MSRA: variants seen among roughly 807,000 people sequenced by gnomAD.
MSRA encodes the protein mitochondrial peptide methionine sulfoxide reductase.
MSRA carries 54 observed loss-of-function variants against 31.3 expected under a neutral mutation model. The ratio of observed to expected loss-of-function variants is 1.73; its 90% CI spans 1.39 to 2.17. MSRA has a LOEUF of 2.17. Ranked by LOEUF, MSRA falls within the 30% of genes most tolerant of loss-of-function variation. The probability of loss-of-function intolerance (pLI) is 0.00; values close to 1 mark genes in which losing one functional copy is unlikely to be tolerated. For missense variants in MSRA, 507 were observed against 300.9 expected (o/e 1.69, Z -5.07); for synonymous variants, 169 against 116.5 (o/e 1.45, Z -2.90).
At chr8:10,267,009 A>G (rs1798781983) in intron 3 of MSRA, among the ~76,000 whole-genome samples, 1 of 152,228 alleles carries the variant, frequency 6.6e-6, no homozygotes, top group Non-Finnish European at 1.5e-5. Context: ...TCCTGATTAT[A>G]TTCTTGATTA....
intron 1 of MSRA, among the ~76,000 whole-genome samples, chr8:10,201,584 T>C (rs1283679852): frequency 6.6e-6 from 1 of 152,216 alleles, no homozygotes; most frequent in African/African-American, 2.4e-5. Context: ...GATTTTGCAT[T>C]ATTGTAGATG....
At chr8:10,344,424 A>G (rs1352242217) in intron 5 of MSRA, among the ~76,000 whole-genome samples, 1 of 151,750 alleles carries the variant, frequency 6.6e-6, no homozygotes, top group Non-Finnish European at 1.5e-5. Flanking sequence ...AAATACAAAA[A>G]TTAGACAGGC....
intron 1 of MSRA, among the ~76,000 whole-genome samples, chr8:10,113,888 C>A (rs964318039): frequency 1.3e-5 from 2 of 152,044 alleles, no homozygotes; most frequent in Non-Finnish European, 2.9e-5. Flanking sequence ...AATTGTGTGG[C>A]CATCACCACT....
At chr8:10,215,001 G>A (rs1424676543) in intron 2 of MSRA, among the ~76,000 whole-genome samples, 1 of 152,204 alleles carries the variant, frequency 6.6e-6, no homozygotes, top group African/African-American at 2.4e-5. Context: ...GGCTGGTCCA[G>A]AAAAGAACAA....
At chr8:10,326,017 T>G (rs1289993470) in intron 5 of MSRA, among the ~76,000 whole-genome samples, 2 of 152,248 alleles carry the variant, frequency 1.3e-5, no homozygotes, top group African/African-American at 4.8e-5. Flanking sequence ...ATTCTGTTCA[T>G]TTTACATACA....
At chr8:10,383,909 A>G (rs972499047) in intron 5 of MSRA, among the ~76,000 whole-genome samples, 4 of 152,174 alleles carry the variant, frequency 2.6e-5, no homozygotes, top group East Asian at 3.9e-4. Flanking sequence ...GACGGGAAGA[A>G]CATCCAGGAC....
intron 5 of MSRA, among the ~76,000 whole-genome samples, chr8:10,401,978 T>C (rs368361140): frequency 1.3e-5 from 2 of 152,216 alleles, no homozygotes; most frequent in African/African-American, 4.8e-5. Context: ...ATAGTGGTGA[T>C]GGTTGCACAG....
intron 2 of MSRA, among the ~76,000 whole-genome samples, chr8:10,244,130 A>G (rs1410339520): frequency 6.6e-6 from 1 of 152,160 alleles, no homozygotes; most frequent in African/African-American, 2.4e-5. Context: ...TATAGTGTAT[A>G]TTAATTTGCC....
At chr8:10,393,192 G>GC (rs1205482681) in intron 5 of MSRA, among the ~76,000 whole-genome samples, 11 of 152,024 alleles carry the variant, frequency 7.2e-5, no homozygotes, top group Middle Eastern at 3.4e-3. Flanking sequence ...GCAGCCGCCC[G>GC]CCCCCCGTGT....
intron 1 of MSRA, among the ~76,000 whole-genome samples, chr8:10,122,552 G>C (rs1451585827): frequency 6.6e-6 from 1 of 151,658 alleles, no homozygotes; most frequent in African/African-American, 2.4e-5. Flanking sequence ...TTAACTTTTA[G>C]GTCAGGGATA....
chr8:10,318,701 G>A (rs546901143), intron 4 of MSRA, among the ~76,000 whole-genome samples: 1 of 152,138 alleles, frequency 6.6e-6, no homozygotes, highest in Non-Finnish European at 1.5e-5. Context: ...GCCACTTCTT[G>A]TATTCCTAGC....
At position 10,301,758 on chromosome 8, in the gene MSRA, G is replaced by A. The variant is rs531002388; in HGVS notation, c.436+120G>A. The stretch of plus-strand genomic sequence containing the variant: ...CACACAGGAGCTCAAGAATATGATT[G>A]CAGACATTTATTGACGGAGGAGAGG... On this transcript the variant is annotated intron_variant, in intron 4 of 5. Coordinates refer to ENST00000317173, the MANE Select transcript of MSRA (RefSeq NM_012331.5). 20 of 792,822 alleles carry A rather than the reference G, an allele frequency of 2.5e-5. No homozygotes were observed. In the African/African-American group the frequency reaches 3.1e-4, roughly 12 times the overall value. The allele number at this position is 792,822 out of a possible 1,614,324, so 49.1% of individuals were successfully genotyped here.
Position 10,054,646 on chromosome 8 carries a change from A to AC in MSRA, c.134dup (p.Val46CysfsTer34). On this transcript the variant is annotated frameshift_variant, in exon 1 of 6. Coordinates refer to ENST00000317173, the MANE Select transcript of MSRA (RefSeq NM_012331.5). LOFTEE classifies it high-confidence loss of function. ...GGCCTTGCCGGGCCGGAAGGAACAG[A>AC]CCCCTGTAGCGGGTAAGCACTGGCC... is the stretch of plus-strand genomic sequence containing the variant. 4 of 1,566,708 alleles carry AC rather than the reference A, an allele frequency of 2.6e-6. No individual in the cohort carries two copies. Among genetic ancestry groups the AC allele is most frequent in the Non-Finnish European group, 3.5e-6 (4 of 1,157,578 alleles).
At chr8:10,155,477 C>T (rs942128414) in intron 1 of MSRA, among the ~76,000 whole-genome samples, 4 of 152,164 alleles carry the variant, frequency 2.6e-5, no homozygotes, top group African/African-American at 9.7e-5. Flanking sequence ...TCTCACTTTT[C>T]TAGTTGTATC....
chr8:10,083,108 G>A (rs1459187169), intron 1 of MSRA, among the ~76,000 whole-genome samples: 1 of 150,576 alleles, frequency 6.6e-6, no homozygotes. Flanking sequence ...CATTTAAATT[G>A]TGACTCTCAT....
chr8:10,089,423 G>T (rs1261310342), intron 1 of MSRA, among the ~76,000 whole-genome samples: 1 of 152,186 alleles, frequency 6.6e-6, no homozygotes, highest in East Asian at 1.9e-4. Context: ...CAGGTAAACA[G>T]TAAAAACTGG....
At chr8:10,071,484 T>G (rs1797730415) in intron 1 of MSRA, among the ~76,000 whole-genome samples, 1 of 150,544 alleles carries the variant, frequency 6.6e-6, no homozygotes, top group South Asian at 2.1e-4. Context: ...TCTTAAGACT[T>G]GTACAGAGTA....
chr8:10,257,665 A>G (rs143753143), intron 3 of MSRA, among the ~76,000 whole-genome samples: 7 of 152,234 alleles, frequency 4.6e-5, no homozygotes, highest in African/African-American at 1.7e-4. Flanking sequence ...ACTTTCAATT[A>G]ACGGCACCTC....
chr8:10,125,917 C>T (rs1382006886), intron 1 of MSRA, among the ~76,000 whole-genome samples: 3 of 152,176 alleles, frequency 2.0e-5, no homozygotes, highest in African/African-American at 7.2e-5. Context: ...GACAAAACCA[C>T]TAACTGCTTT....
Sources: allele counts gnomAD v4.1 joint callset (sites outside exome capture counted in the v4.1 genomes callset), GRCh38; gene constraint gnomAD v4.1.1; transcripts MANE v1.5; gene names NCBI Gene and HGNC (gene_info 2026-07-23, HGNC 2026-07-21).